Variants in DLC1 observed in about 807,000 individuals in gnomAD.
The protein encoded by DLC1 is DLC1 Rho GTPase activating protein.
Under a neutral mutation model 140.3 loss-of-function variants are expected in DLC1, and 54 were observed. The ratio of observed to expected loss-of-function variants is 0.38; its 90% CI spans 0.31 to 0.48. The LOEUF is 0.48. Ranked by LOEUF, DLC1 falls within the 20% of genes least tolerant of loss-of-function variation. The pLI is 0.96. For synonymous variants in DLC1, 986 were observed against 728.1 expected, an observed-to-expected ratio of 1.35 and a Z score of -5.70; for missense variants, 2,536 against 1,907.0, an observed-to-expected ratio of 1.33 and a Z score of -6.14.
At chr8:13,437,972 C>T (rs539300380) in intron 2 of DLC1, among the ~76,000 whole-genome samples, 2 of 150,764 alleles carry the variant, frequency 1.3e-5, no homozygotes, top group East Asian at 3.9e-4. Flanking sequence ...TTATAAGGGT[C>T]CCCAGGAAGA....
intron 5 of DLC1, among the ~76,000 whole-genome samples, chr8:13,147,782 G>C (rs1315101646): frequency 6.6e-6 from 1 of 152,132 alleles, no homozygotes; most frequent in Non-Finnish European, 1.5e-5. Context: ...GAGGTCAAGA[G>C]ATTGAGACCA....
intron 5 of DLC1, among the ~76,000 whole-genome samples, chr8:13,227,194 G>A (rs1288157019): frequency 6.6e-6 from 1 of 152,104 alleles, no homozygotes. Context: ...TGTTATTAGT[G>A]ATAATCTTAA....
intron 5 of DLC1, among the ~76,000 whole-genome samples, chr8:13,170,521 GA>G (rs945560153): frequency 2.6e-5 from 4 of 152,130 alleles, no homozygotes; most frequent in African/African-American, 9.7e-5. Flanking sequence ...ATGAGGTCAG[GA>G]AATCGAGACC....
chr8:13,500,030 C>G lies in DLC1; in HGVS notation c.42G>C (p.Val14=). Residue 14 remains valine, a synonymous_variant, in exon 2 of 18, where the codon GTG becomes GTC. Coordinates refer to ENST00000276297, the MANE Select transcript of DLC1 (RefSeq NM_182643.3). ...AIRKRSWEEH[V]THWMGQPFNS... ...TAAAAGGCTGTCCCATCCAGTGGGT[C>G]ACATGTTCTTCCCAGCTTCTCTTTC... 1 of 1,613,986 alleles carries G rather than the reference C, an allele frequency of 6.2e-7. No individual in the cohort carries two copies. Among genetic ancestry groups the G allele is most frequent in the Non-Finnish European group, 8.5e-7 (1 of 1,179,920 alleles).
chr8:13,103,839 C>CAAAA (rs1002564334), intron 7 of DLC1, among the ~76,000 whole-genome samples: 17 of 60,244 alleles, frequency 2.8e-4, no homozygotes, highest in Non-Finnish European at 3.6e-4. Flanking sequence ...GACTCCATCT[C>CAAAA]AAAAAAAAAA....
intron 2 of DLC1, among the ~76,000 whole-genome samples, chr8:13,480,991 A>T (rs959434102): frequency 2.0e-5 from 3 of 152,216 alleles, no homozygotes; most frequent in Non-Finnish European, 2.9e-5. Context: ...ACCAAAGGCC[A>T]AGAGGCCAGT....
At chr8:13,208,328 C>T (rs900908568) in intron 5 of DLC1, among the ~76,000 whole-genome samples, 5 of 152,130 alleles carry the variant, frequency 3.3e-5, no homozygotes, top group Non-Finnish European at 5.9e-5. Flanking sequence ...AGTTTCTAGG[C>T]AGAGAAGGAC....
chr8:13,445,197 A>G (rs965445120), intron 2 of DLC1, among the ~76,000 whole-genome samples: 1 of 152,176 alleles, frequency 6.6e-6, no homozygotes, highest in Non-Finnish European at 1.5e-5. Context: ...GTTGGATCTT[A>G]TTGCATGCTC....
chr8:13,129,502 C>T (rs752770697), intron 5 of DLC1, among the ~76,000 whole-genome samples: 1 of 152,182 alleles, frequency 6.6e-6, no homozygotes, highest in Non-Finnish European at 1.5e-5. Flanking sequence ...CCCCACAGCT[C>T]CAAACTAAGA....
intron 4 of DLC1, among the ~76,000 whole-genome samples, chr8:13,330,135 T>A (rs183233058): frequency 4.9e-4 from 75 of 152,246 alleles, no homozygotes; most frequent in Non-Finnish European, 9.0e-4. Context: ...TGGATAATTT[T>A]AAATTTTTTT....
intron 4 of DLC1, among the ~76,000 whole-genome samples, chr8:13,305,892 G>T (rs1466222899): frequency 4.6e-5 from 7 of 152,100 alleles, no homozygotes; most frequent in Admixed American, 3.9e-4. Flanking sequence ...CTTTGAATTG[G>T]GGTAGAATTT....
intron 1 of DLC1, among the ~76,000 whole-genome samples, chr8:13,561,954 G>C (rs919181703): frequency 3.9e-5 from 6 of 152,048 alleles, no homozygotes; most frequent in Non-Finnish European, 8.8e-5. Context: ...TAGATAATAT[G>C]ATTATATATT....
At chr8:13,310,369 C>T (rs1832626715) in intron 4 of DLC1, among the ~76,000 whole-genome samples, 1 of 152,108 alleles carries the variant, frequency 6.6e-6, no homozygotes, top group South Asian at 2.1e-4. Flanking sequence ...TACTCCTTTC[C>T]CTTTAAAACA....
chr8:13,504,539 A>G (rs781014990), intron 1 of DLC1, among the ~76,000 whole-genome samples: 4 of 152,250 alleles, frequency 2.6e-5, no homozygotes, highest in Non-Finnish European at 5.9e-5. Context: ...CAATGGTACC[A>G]GAAAGAACAA....
At chr8:13,196,667 TTGATCATCTG>T (rs1827078314) in intron 5 of DLC1, among the ~76,000 whole-genome samples, 1 of 152,258 alleles carries the variant, frequency 6.6e-6, no homozygotes, top group Non-Finnish European at 1.5e-5. Flanking sequence ...CAGGGAAACC[TTGATCATCTG>T]TGATCATCTG....
chr8:13,326,017 C>G (rs1563265), intron 4 of DLC1, among the ~76,000 whole-genome samples: 143,392 of 152,174 alleles, frequency 0.94, 67,899 homozygotes, highest in East Asian at 1. Flanking sequence ...AATGGTGCTG[C>G]GCTATTTGGT....
At chr8:13,228,610 C>T (rs758505136) in intron 5 of DLC1, among the ~76,000 whole-genome samples, 3 of 152,074 alleles carry the variant, frequency 2.0e-5, no homozygotes, top group Non-Finnish European at 2.9e-5. Context: ...ATTAGCCCAG[C>T]ATGGTGGCAT....
chr8:13,553,646 C>G (rs868169210), intron 1 of DLC1, among the ~76,000 whole-genome samples: 1 of 151,922 alleles, frequency 6.6e-6, no homozygotes, highest in Non-Finnish European at 1.5e-5. Context: ...AGCCACTGCT[C>G]TCAGCCTCTC....
At chr8:13,235,378 A>T (rs1453785975) in intron 5 of DLC1, among the ~76,000 whole-genome samples, 2 of 152,070 alleles carry the variant, frequency 1.3e-5, no homozygotes, top group African/African-American at 4.8e-5. Flanking sequence ...TACAAGGAAA[A>T]TGTGGAGGGA....
Sources: allele counts gnomAD v4.1 joint callset (sites outside exome capture counted in the v4.1 genomes callset), GRCh38; gene constraint gnomAD v4.1.1; transcripts MANE v1.5; gene names NCBI Gene and HGNC (gene_info 2026-07-23, HGNC 2026-07-21).